BRCA2: variants seen among roughly 807,000 people sequenced by gnomAD.
BRCA2 encodes BRCA2 DNA repair associated.
BRCA2 carries 203 observed loss-of-function variants against 276.7 expected under a neutral mutation model. That is an observed-to-expected ratio of 0.73 (90% CI 0.65 to 0.82). The LOEUF is 0.82. Among genes scored for constraint, BRCA2 ranks in the 40% least tolerant of loss-of-function variants. The pLI is 0.00. For synonymous variants in BRCA2, 1,289 were observed against 1,338.4 expected (o/e 0.96, Z 0.81); for missense variants, 3,920 against 3,915.0 (o/e 1.00, Z -0.03).
chr13:32,338,209 A>G lies in BRCA2; in HGVS notation c.3854A>G (p.Glu1285Gly), dbSNP rs747103920. The G allele has an allele frequency of 6.5e-7, 1 of 1,543,916 alleles. No homozygotes were observed. Among genetic ancestry groups the G allele is most frequent in the Non-Finnish European group, 8.7e-7 (1 of 1,143,814 alleles). The change falls in exon 11 of 27, where the codon GAA (glutamate) becomes GGA (glycine). Residue 1285 changes from glutamate (E) to glycine (G), a missense_variant. By Grantham distance (98) the Glu-to-Gly change is moderately conservative. Coordinates refer to ENST00000380152, the MANE Select transcript of BRCA2 (RefSeq NM_000059.4). ...AATCATAATGATAAAACTGTAAGTG[A>G]AAAAAATAATAAATGCCAACTGATA... ...IENHNDKTVS[E>G]KNNKCQLILQ...
In BRCA2 at chr13:32,318,557, G is replaced by T. The variant is rs11571582; in HGVS notation, c.68-520G>T. 0.045 allele frequency among the ~76,000 whole-genome samples: 6,770 copies of T among 152,006 alleles called. 236 individuals are homozygous for T. The highest frequency in any genetic ancestry group is 0.1 in the Admixed American group (1,562 of 15,248). ...CCTGGGTTCAAGTGATTCTCCTGTG[G>T]CAGCCTCCGGAGTAGCTGGGACTAC... is the stretch of plus-strand genomic sequence containing the variant. On this transcript the variant is annotated intron_variant, in intron 2 of 26. Coordinates refer to ENST00000380152, the MANE Select transcript of BRCA2 (RefSeq NM_000059.4).
At chr13:32,362,118 G>T (rs2072740940) in intron 16 of BRCA2, among the ~76,000 whole-genome samples, 1 of 152,012 alleles carries the variant, frequency 6.6e-6, no homozygotes. Flanking sequence ...AACCTCCTGG[G>T]CTCAAGCAAT....
chr13:32,392,058 C>T (rs1345635296), intron 24 of BRCA2, among the ~76,000 whole-genome samples: 4 of 151,962 alleles, frequency 2.6e-5, no homozygotes, highest in Non-Finnish European at 4.4e-5. Context: ...AGGCAAGTTC[C>T]AAAATTAGAA....
chr13:32,358,476 CAAA>C (rs34469166), intron 16 of BRCA2, among the ~76,000 whole-genome samples: 4 of 118,540 alleles, frequency 3.4e-5, no homozygotes, highest in Admixed American at 8.9e-5. Context: ...GACTCCATCT[CAAA>C]AAAAAAAAAA....
Position 32,398,909 on chromosome 13 carries a change from G to A in BRCA2, c.*139G>A. Reference sequence around the variant, plus strand: ...TAGTTTCAAATTTACCTCAGCGTTTGTGTATCGGGCAAAAATCGTTTTGCC... The same window carrying A: ...TAGTTTCAAATTTACCTCAGCGTTTATGTATCGGGCAAAAATCGTTTTGCC... On this transcript the variant is annotated 3_prime_UTR_variant, in exon 27 of 27. Coordinates refer to ENST00000380152, the MANE Select transcript of BRCA2 (RefSeq NM_000059.4). The A allele has an allele frequency of 3.4e-6, 4 of 1,167,242 alleles. No individual in the cohort carries two copies. Among genetic ancestry groups the A allele is most frequent in the Non-Finnish European group, 4.7e-6 (4 of 857,688 alleles). The allele number at this position is 1,167,242 out of a possible 1,614,324, so 72.3% of individuals were successfully genotyped here. A position where few individuals can be genotyped will look rare whatever the true frequency, so the allele number is the denominator to read the frequency against.
At chr13:32,390,748 A>G (rs946961659) in intron 24 of BRCA2, among the ~76,000 whole-genome samples, 1 of 152,122 alleles carries the variant, frequency 6.6e-6, no homozygotes, top group Non-Finnish European at 1.5e-5. Context: ...TGAATAAGCC[A>G]CCTACTAGCC....
chr13:32,355,372 C>A, intron 14 of BRCA2, 84 bp downstream of exon 14: 1 of 1,474,074 alleles, frequency 6.8e-7, no homozygotes, highest in South Asian at 1.2e-5. Context: ...TGGTTTTCCC[C>A]CTTTGGTGGT....
At position 32,348,211 on chromosome 13, in the gene BRCA2, A is replaced by C. The variant is rs903958095; in HGVS notation, c.7007+1315A>C. On this transcript the variant is annotated intron_variant, in intron 13 of 26. Coordinates refer to ENST00000380152, the MANE Select transcript of BRCA2 (RefSeq NM_000059.4). ...AAGGTATGAAAAGTCAATTCTGTGGATCTATCATCTGAAAATACAGAGTTT... is the reference window on the plus strand; with the variant it reads ...AAGGTATGAAAAGTCAATTCTGTGGCTCTATCATCTGAAAATACAGAGTTT... Among the ~76,000 whole-genome samples, 15 of 152,102 alleles carry C rather than the reference A, an allele frequency of 9.9e-5. 1 individual carries two copies.
chr13:32,336,930 G>A lies in BRCA2; in HGVS notation c.2575G>A (p.Val859Ile), dbSNP rs2137487841. The change falls in exon 11 of 27, where the codon GTA becomes ATA. Residue 859 changes from valine (V) to isoleucine (I), a missense_variant. Coordinates refer to ENST00000380152, the MANE Select transcript of BRCA2 (RefSeq NM_000059.4). ...VQFNQNTNLRVIQKNQEETTS... is the reference protein window; with the variant it reads ...VQFNQNTNLRIIQKNQEETTS... ...ATTCAACCAAAACACAAATCTAAGA[G>A]TAATCCAAAAAAATCAAGAAGAAAC... The A allele has an allele frequency of 6.3e-7, 1 of 1,596,110 alleles. No individual in the cohort carries two copies.
At position 32,376,791 on chromosome 13, in the gene BRCA2, G is replaced by A. The variant is rs80359803; in HGVS notation, c.8754G>A (p.Glu2918=). The change falls in exon 21 of 27, where the codon GAG becomes GAA. Residue 2918 remains glutamate, a splice_region_variant and synonymous_variant. Transcript: ENST00000380152. ...VKNAADPAYL[E]GYFSEEQLRA... Reference sequence around the variant, plus strand: ...ATGCAGCAGACCCAGCTTACCTTGAGGTGAGAGAGTAAGAGGACATATAAT... The same window carrying A: ...ATGCAGCAGACCCAGCTTACCTTGAAGTGAGAGAGTAAGAGGACATATAAT... 2 of 1,614,010 alleles carry A rather than the reference G, an allele frequency of 1.2e-6. No homozygotes were observed. Among genetic ancestry groups the A allele is most frequent in the Admixed American group, 1.7e-5 (1 of 59,996 alleles).
rs200635661 is a variant in BRCA2 at position 32,380,111 on chromosome 13, A to G, written c.9222A>G (p.Leu3074=). The G allele has an allele frequency of 4.3e-6, 7 of 1,614,016 alleles. No homozygotes were observed. The Admixed American group carries it at 1.2e-4, about 27-fold the overall frequency. ...AGCCATCTTGTTCTGAGGTGGACCT[A>G]ATAGGATTTGTCGTTTCTGTTGTGA... is the stretch of plus-strand genomic sequence containing the variant. ...DFQPSCSEVD[L]IGFVVSVVKK... Residue 3074 remains leucine, a synonymous_variant, in exon 24 of 27, where the codon CTA becomes CTG. Coordinates refer to ENST00000380152, the MANE Select transcript of BRCA2 (RefSeq NM_000059.4).
Position 32,338,425 on chromosome 13 carries a change from T to G in BRCA2, c.4070T>G (p.Leu1357Arg), listed in dbSNP as rs55796504. 1.9e-6 allele frequency: 3 copies of G among 1,609,366 alleles called. No individual in the cohort carries two copies. The highest frequency in any genetic ancestry group is 2.5e-6 in the Non-Finnish European group (3 of 1,178,536). The part of the protein sequence containing the change: ...VCIHKDETDL[L>R]FTDQHNICLK... ...ATTCATAAAGATGAAACGGACTTGC[T>G]ATTTACTGATCAGCACAACATATGT... The change falls in exon 11 of 27, where the codon CTA (leucine) becomes CGA (arginine). Residue 1357 changes from leucine (L) to arginine (R), a missense_variant. Physicochemically the swap from Leu to Arg is moderately radical, Grantham distance 102. This residue lies in a region of BRCA2 where 3,263 missense variants were observed against 3,156.9 expected (regional missense o/e 1.03). Transcript: ENST00000380152.
At chr13:32,329,520 G>T (rs766410261) in intron 8 of BRCA2, 28 bp downstream of exon 8, 15 of 1,537,198 alleles carry the variant, frequency 9.8e-6, no homozygotes, top group Non-Finnish European at 1.3e-5. Flanking sequence ...TGATTAGACT[G>T]TTGAAATTGC....
chr13:32,332,378 A>G lies in BRCA2; in HGVS notation c.900A>G (p.Val300=), dbSNP rs1185922157. Residue 300 remains valine (V), a synonymous_variant, in exon 10 of 27, where the codon GTA becomes GTG. Coordinates refer to ENST00000380152, the MANE Select transcript of BRCA2 (RefSeq NM_000059.4). The part of the protein sequence containing the change: ...VLEDEVYETV[V]DTSEEDSFSL... ...AAGATGAAGTATATGAAACAGTTGT[A>G]GATACCTCTGAAGAAGATAGTTTTT... is the stretch of plus-strand genomic sequence containing the variant. 1.3e-6 allele frequency: 2 copies of G among 1,594,776 alleles called. No homozygotes were observed. The highest frequency in any genetic ancestry group is 3.5e-5 in the Admixed American group (2 of 57,128).
At chr13:32,335,206 G>A (rs543602634) in intron 10 of BRCA2, among the ~76,000 whole-genome samples, 2 of 152,202 alleles carry the variant, frequency 1.3e-5, no homozygotes, top group African/African-American at 2.4e-5. Context: ...TTATCCAGAT[G>A]TGGTGGCATG....
At chr13:32,396,844 CATAA>C in intron 25 of BRCA2, 50 bp from the exon 26 acceptor site, 1 of 1,602,434 alleles carries the variant, frequency 6.2e-7, no homozygotes, top group Non-Finnish European at 8.5e-7. Context: ...CTTTTGGAAA[CATAA>C]ATATGTGGGT....
In BRCA2 at chr13:32,400,052, C is replaced by T. The variant is rs2137673099; in HGVS notation, c.*1282C>T. ...CCATCTGCCTCAGCCTCCCAAAGTG[C>T]TGGGATTATAGGCGTGAGCCACTGT... is the stretch of plus-strand genomic sequence containing the variant. On this transcript the variant is annotated 3_prime_UTR_variant, in exon 27 of 27. Transcript: ENST00000380152. The T allele has an allele frequency of 6.6e-6, 1 of 152,274 alleles. No individual in the cohort carries two copies. Among genetic ancestry groups the T allele is most frequent in the Middle Eastern group, 3.4e-3 (1 of 292 alleles). The allele number at this position is 152,274 out of a possible 1,614,324, so 9.4% of individuals were successfully genotyped here. A position where few individuals can be genotyped will look rare whatever the true frequency, so the allele number is the denominator to read the frequency against.
chr13:32,380,554 T>C (rs75507144), intron 24 of BRCA2, among the ~76,000 whole-genome samples: 245 of 146,694 alleles, frequency 1.7e-3, no homozygotes, highest in East Asian at 3.9e-3. Flanking sequence ...TTTTTTTTTT[T>C]CCCCGAGATG....
At chr13:32,387,354 A>G (rs2072967326) in intron 24 of BRCA2, among the ~76,000 whole-genome samples, 1 of 152,256 alleles carries the variant, frequency 6.6e-6, no homozygotes, top group South Asian at 2.1e-4. Context: ...ACCTAGGAAT[A>G]ACTGGCGGGT....
Sources: allele counts gnomAD v4.1 joint callset (sites outside exome capture counted in the v4.1 genomes callset), GRCh38; gene constraint gnomAD v4.1.1; regional missense constraint gnomAD v4.1.1; transcripts MANE v1.5; gene names NCBI Gene and HGNC (gene_info 2026-07-23, HGNC 2026-07-21).